The following TACC3 variants were observed in gnomAD, a reference collection of about 807,000 sequenced individuals.
TACC3 encodes the protein transforming acidic coiled-coil containing protein 3.
Under a neutral mutation model 86.0 loss-of-function variants are expected in TACC3, and 52 were observed. The observed-to-expected ratio is 0.60, with a 90% CI of 0.48 to 0.76. The LOEUF is 0.76. Ranked by LOEUF, TACC3 falls within the 30% of genes least tolerant of loss-of-function variation. The probability of loss-of-function intolerance (pLI) is 0.00; values close to 1 mark genes in which losing one functional copy is unlikely to be tolerated. For synonymous variants in TACC3, 512 were observed against 430.0 expected (o/e 1.19, Z -2.36); for missense variants, 1,120 against 1,070.4 (o/e 1.05, Z -0.65).
Position 1,740,857 on chromosome 4 carries a change from A to C in TACC3, c.2094A>C (p.Lys698Asn). 6.2e-7 allele frequency: 1 copy of C among 1,611,586 alleles called. No homozygotes were observed. Among genetic ancestry groups the C allele is most frequent in the Non-Finnish European group, 8.5e-7 (1 of 1,179,458 alleles). Residue 698 changes from lysine (K) to asparagine (N), a missense_variant, in exon 13 of 16, where the codon AAA (lysine) becomes AAC (asparagine). Coordinates refer to ENST00000313288, the MANE Select transcript of TACC3 (RefSeq NM_006342.3). The stretch of plus-strand genomic sequence containing the variant: ...TTCAGAAGCAGAAGGAACTTTCCAA[A>C]GCTGAAATCCAGAAAGTTCTAAAAG... ...EEVQKQKELS[K>N]AEIQKVLKEK...
Position 1,725,425 on chromosome 4 carries a change from C to T in TACC3, c.305+1555C>T, listed in dbSNP as rs140362769. Among the ~76,000 whole-genome samples the T allele has an allele frequency of 7.0e-3, 1,064 of 152,314 alleles. 10 individuals carry two copies. Among genetic ancestry groups the T allele is most frequent in the African/African-American group, 0.023 (974 of 41,572 alleles). ...GAATTTGCAGTTCTTCCCATGTCTG[C>T]TTGCTACTTTTCAACTTTGTTTTTT... is the stretch of plus-strand genomic sequence containing the variant. On this transcript the variant is annotated intron_variant, in intron 3 of 15. Transcript: ENST00000313288.
At position 1,737,397 on chromosome 4, in the gene TACC3, A is replaced by G. The variant is rs558059403; in HGVS notation, c.1836+69A>G. The stretch of plus-strand genomic sequence containing the variant: ...AGGGAACGAGTTGTTTTAAGGGCCT[A>G]TATTTTCTATTCCTGGGGGTCTGAG... On this transcript the variant is annotated intron_variant, in intron 9 of 15. Transcript: ENST00000313288. 51 of 1,455,326 alleles carry G rather than the reference A, an allele frequency of 3.5e-5. 1 individual carries two copies. The Middle Eastern group carries it at 5.2e-4, about 15-fold the overall frequency. The allele number at this position is 1,455,326 out of a possible 1,614,324, so 90.2% of individuals were successfully genotyped here.
In TACC3 at chr4:1,737,346, T is replaced by A. The variant is rs1262868252; in HGVS notation, c.1836+18T>A. ...ACATTCCTGTAAGTCCTTGAGTCCC[T>A]CTTGAACTGTCTTGTGTGTGGTCTG... On this transcript the variant is annotated intron_variant, in intron 9 of 15. Transcript: ENST00000313288. 1.9e-6 allele frequency: 3 copies of A among 1,603,152 alleles called. No homozygotes were observed. Among genetic ancestry groups the A allele is most frequent in the Non-Finnish European group, 2.6e-6 (3 of 1,170,090 alleles).
At chr4:1,744,331 C>G (rs1463015681) in intron 13 of TACC3, 187 bp from the exon 14 acceptor site, 1 of 605,404 alleles carries the variant, frequency 1.7e-6, no homozygotes, top group Non-Finnish European at 2.9e-6. Flanking sequence ...CAGGGCTGTC[C>G]TGAACCTCCA....
intron 1 of TACC3, chr4:1,721,937 C>G (rs1717398436): frequency 6.6e-6 from 1 of 152,280 alleles, no homozygotes; most frequent in Non-Finnish European, 1.5e-5. Context: ...CTCCTCGACC[C>G]TCTCCTGTCT....
Position 1,728,188 on chromosome 4 carries a change from A to T in TACC3, c.786A>T (p.Gly262=). 6.2e-7 allele frequency: 1 copy of T among 1,611,790 alleles called. No homozygotes were observed. Among genetic ancestry groups the T allele is most frequent in the South Asian group, 1.1e-5 (1 of 90,936 alleles). ...PGAIPKEACG[G]APLQGLPGEA... is the part of the protein sequence containing the mutation. ...CAATCCCTAAGGAAGCCTGCGGAGG[A>T]GCACCCCTGCAGGGTCTGCCTGGCG... The change falls in exon 4 of 16, where the codon GGA becomes GGT. Residue 262 remains glycine, a synonymous_variant. Transcript: ENST00000313288.
intron 13 of TACC3, 103 bp downstream of exon 13, chr4:1,741,089 C>T (rs1037548075): frequency 3.4e-6 from 4 of 1,189,360 alleles, no homozygotes; most frequent in Non-Finnish European, 4.7e-6. Context: ...GGTCCTTGGC[C>T]AAGCCTCCCC....
intron 2 of TACC3, 31 bp from the exon 3 acceptor site, chr4:1,723,697 A>C: frequency 6.2e-7 from 1 of 1,613,344 alleles, no homozygotes; most frequent in Non-Finnish European, 8.5e-7. Flanking sequence ...TGAACTAATG[A>C]ATAGGTGCTC....
chr4:1,729,189 G>A (rs1029011507), intron 4 of TACC3, among the ~76,000 whole-genome samples: 4 of 152,146 alleles, frequency 2.6e-5, no homozygotes, highest in Non-Finnish European at 5.9e-5. Flanking sequence ...GGTCTTGGCC[G>A]TGGGTCTGCT....
rs760631098 is a variant in TACC3 at position 1,727,756 on chromosome 4, A to G, written c.354A>G (p.Leu118=). The G allele has an allele frequency of 3.7e-6, 6 of 1,606,744 alleles. No individual in the cohort carries two copies. The East Asian group carries it at 1.1e-4, about 30-fold the overall frequency. Residue 118 remains leucine (L), a synonymous_variant, in exon 4 of 16, where the codon CTA becomes CTG. Transcript: ENST00000313288. ...EVDAKTTHGI[L]QKPVEADTDL... ...ATGCCAAAACTACTCATGGAATTCT[A>G]CAGAAACCAGTGGAGGCTGACACCG...
chr4:1,734,707 G>A (rs1577216954), intron 6 of TACC3, among the ~76,000 whole-genome samples: 3 of 151,828 alleles, frequency 2.0e-5, no homozygotes, highest in Admixed American at 2.0e-4. Flanking sequence ...TTTTCCCTCC[G>A]CTGCCCAGGT....
intron 5 of TACC3, 36 bp from the exon 6 acceptor site, chr4:1,731,136 C>A (rs757751184): frequency 1.2e-6 from 2 of 1,610,478 alleles, no homozygotes; most frequent in Middle Eastern, 1.7e-4. Context: ...AGTACCTTGA[C>A]TGCACTGCAC....
At chr4:1,741,210 C>G (rs1043669456) in intron 13 of TACC3, 33 of 452,164 alleles carry the variant, frequency 7.3e-5, no homozygotes, top group Middle Eastern at 6.0e-4. Context: ...GCAGGGAGGC[C>G]ATCTGAGCCG....
intron 4 of TACC3, among the ~76,000 whole-genome samples, chr4:1,729,894 T>A (rs798763): frequency 6.6e-6 from 1 of 152,056 alleles, no homozygotes; most frequent in Non-Finnish European, 1.5e-5. Context: ...CCTTCCCAAG[T>A]GCTGGTGTTA....
At position 1,721,596 on chromosome 4, in the gene TACC3, T is replaced by TGGC. The variant is rs1447933382; in HGVS notation, c.-38_-36dup. The TGGC allele has an allele frequency of 3.2e-4, 49 of 152,560 alleles. No homozygotes were observed. The East Asian group carries it at 8.1e-3, about 25-fold the overall frequency. The allele number at this position is 152,560 out of a possible 1,614,324, so 9.5% of individuals were successfully genotyped here. A position where few individuals can be genotyped will look rare whatever the true frequency, so the allele number is the denominator to read the frequency against. ...GGAGCAGACGCGGACCCCTCCTTCC[T>TGGC]GGCGGCGGCGGCGCGGGCTCAGAGC... is the stretch of plus-strand genomic sequence containing the variant. On this transcript the variant is annotated 5_prime_UTR_variant, in exon 1 of 16. Transcript: ENST00000313288.
rs185986480 is a variant in TACC3, at chr4:1,739,635, C to G, written c.1942-67C>G. The G allele has an allele frequency of 1.0e-5, 15 of 1,455,478 alleles. No individual in the cohort carries two copies. The Admixed American group carries it at 3.0e-4, about 29-fold the overall frequency. 90.2% of individuals were successfully genotyped at this position (1,455,478 alleles called of 1,614,324 possible). ...ACCTCGGGTGCGGGCTGGCCCCATC[C>G]TGTGGGGAGGTCCTGGGAGGGTCAG... On this transcript the variant is annotated intron_variant, in intron 10 of 15. Coordinates refer to ENST00000313288, the MANE Select transcript of TACC3 (RefSeq NM_006342.3).
At chr4:1,728,978 C>T (rs1238710899) in intron 4 of TACC3, among the ~76,000 whole-genome samples, 191 bp downstream of exon 4, 2 of 152,226 alleles carry the variant, frequency 1.3e-5, no homozygotes, top group Non-Finnish European at 2.9e-5. Context: ...CTTGCCTTGG[C>T]TGCCATGCAT....
At chr4:1,723,103 C>T (rs1436220401) in intron 1 of TACC3, 2 of 320,274 alleles carry the variant, frequency 6.2e-6, no homozygotes, top group Non-Finnish European at 1.2e-5. Context: ...TATAGTAATA[C>T]AGCAGTAGAG....
chr4:1,733,122 A>T (rs1560309218), intron 6 of TACC3, among the ~76,000 whole-genome samples: 2 of 152,090 alleles, frequency 1.3e-5, no homozygotes, highest in Admixed American at 1.3e-4. Context: ...CTAGACTTCC[A>T]GCGGGTGGGA....
Sources: gnomAD v4.1 joint callset for allele counts (sites outside exome capture counted in the v4.1 genomes callset) on GRCh38, gnomAD v4.1.1 for gene constraint, MANE v1.5 for transcripts, NCBI Gene and HGNC (gene_info 2026-07-23, HGNC 2026-07-21) for gene names.